RALGAPB: variants seen among roughly 807,000 people sequenced by gnomAD.
RALGAPB encodes Ral GTPase activating protein non-catalytic subunit beta, also known as ral GTPase-activating protein subunit beta.
In RALGAPB, 25 loss-of-function variants were observed where a neutral mutation model predicts 161.1. That is an observed-to-expected ratio of 0.16 (90% CI 0.11 to 0.22). The LOEUF is 0.22. RALGAPB is among the 10% of genes least tolerant of loss of function. The pLI, the probability that RALGAPB is intolerant of heterozygous loss-of-function variation, is 1.00. For synonymous variants in RALGAPB, 629 were observed against 626.1 expected (o/e 1.00, Z -0.07); for missense variants, 1,391 against 1,815.2 (o/e 0.77, Z 4.25).
chr20:38,528,487 C>T (rs1210716998), intron 13 of RALGAPB, among the ~76,000 whole-genome samples: 4 of 151,964 alleles, frequency 2.6e-5, no homozygotes, highest in African/African-American at 4.8e-5. Context: ...TCTTCTGCCG[C>T]AACCTCTGAA....
Position 38,493,047 on chromosome 20 carries a change from G to T in RALGAPB, c.304G>T (p.Asp102Tyr), listed in dbSNP as rs750616042. Residue 102 changes from aspartate to tyrosine, a missense_variant, in exon 3 of 30, where the codon GAT (aspartate) becomes TAT (tyrosine). Asp to Tyr is a radical substitution (Grantham distance 160). Coordinates refer to ENST00000262879, the MANE Select transcript of RALGAPB (RefSeq NM_020336.4). ...GATTATGGCTTTAGTGTTGCCAAAA[G>T]ATTCTATTCCATTGCCAGTTATTAA... ...DWIMALVLPK[D>Y]SIPLPVIKEP... 1.2e-6 allele frequency: 2 copies of T among 1,611,536 alleles called. No individual in the cohort carries two copies. Among genetic ancestry groups the T allele is most frequent in the Admixed American group, 3.3e-5 (2 of 60,000 alleles).
At chr20:38,485,678 C>T (rs1246903427) in intron 1 of RALGAPB, among the ~76,000 whole-genome samples, 10 of 152,082 alleles carry the variant, frequency 6.6e-5, no homozygotes, top group Non-Finnish European at 1.2e-4. Flanking sequence ...CTGCCCGCCT[C>T]GGCCTCCCAA....
At chr20:38,507,251 CTT>C (rs2085789316) in intron 5 of RALGAPB, among the ~76,000 whole-genome samples, 1 of 152,110 alleles carries the variant, frequency 6.6e-6, no homozygotes, top group African/African-American at 2.4e-5. Flanking sequence ...ATTCTTGTCA[CTT>C]TAGTTACACA....
chr20:38,526,018 C>A lies in RALGAPB; in HGVS notation c.2026C>A (p.Pro676Thr). The A allele has an allele frequency of 6.2e-7, 1 of 1,613,656 alleles. No homozygotes were observed. Among genetic ancestry groups the A allele is most frequent in the Non-Finnish European group, 8.5e-7 (1 of 1,179,868 alleles). ...LIGALQTETD[P>T]NNTQMILGAM... is the part of the protein sequence containing the mutation. ...AGGTGCCTTGCAAACTGAAACGGAC[C>A]CCAACAACACCCAAATGATATTAGG... Residue 676 changes from proline to threonine, a missense_variant, in exon 13 of 30, where the codon CCC (proline) becomes ACC (threonine). Transcript: ENST00000262879.
intron 6 of RALGAPB, among the ~76,000 whole-genome samples, chr20:38,515,752 G>A (rs948806228): frequency 2.7e-5 from 4 of 150,410 alleles, no homozygotes; most frequent in African/African-American, 9.8e-5. Context: ...TTTTTCCTGA[G>A]ATGGCATGTT....
In RALGAPB at chr20:38,540,382, AT is replaced by A. The variant is rs1303903864; in HGVS notation, c.2562+426del. Among the ~76,000 whole-genome samples the A allele has an allele frequency of 3.3e-5, 5 of 152,358 alleles. No individual in the cohort carries two copies. The East Asian group carries it at 7.7e-4, about 23-fold the overall frequency. ...AATGTTACTCCATACTCATTTCTTC[AT>A]TCTCAAGTGGATGCAGATAACTAGT... On this transcript the variant is annotated intron_variant, in intron 17 of 29. Transcript: ENST00000262879.
At chr20:38,508,975 A>G (rs1295645981) in intron 5 of RALGAPB, 102 bp from the exon 6 acceptor site, 5 of 1,262,840 alleles carry the variant, frequency 4.0e-6, no homozygotes, top group South Asian at 1.4e-5. Flanking sequence ...CACGTATGTG[A>G]GGTACACATG....
At position 38,477,393 on chromosome 20, in the gene RALGAPB, A is replaced by C. The variant is rs368279465; in HGVS notation, c.-31+4324A>C. Among the ~76,000 whole-genome samples the C allele has an allele frequency of 3.9e-5, 6 of 152,308 alleles. No individual in the cohort carries two copies. The South Asian group carries it at 1.2e-3, about 32-fold the overall frequency. On this transcript the variant is annotated intron_variant, in intron 1 of 29. Coordinates refer to ENST00000262879, the MANE Select transcript of RALGAPB (RefSeq NM_020336.4). ...CAGGGTATTCAAACGTTCTTTGGGTAGCTTACCAAAAACTACCATTTTCCA... is the reference window on the plus strand; with the variant it reads ...CAGGGTATTCAAACGTTCTTTGGGTCGCTTACCAAAAACTACCATTTTCCA...
intron 10 of RALGAPB, among the ~76,000 whole-genome samples, chr20:38,523,809 A>G (rs2086371020): frequency 6.6e-6 from 1 of 152,218 alleles, no homozygotes. Context: ...GTAGAGTAAG[A>G]GGACCTGTAA....
At position 38,553,986 on chromosome 20, in the gene RALGAPB, G is replaced by C; in HGVS notation, c.3282G>C (p.Thr1094=). 1 of 1,613,678 alleles carries C rather than the reference G, an allele frequency of 6.2e-7. No homozygotes were observed. The highest frequency in any genetic ancestry group is 1.1e-5 in the South Asian group (1 of 91,068). ...AGAGAAGTTTTCCTGACCCAGTTAC[G>C]GATTGCAAGCCCCCGCCTCCTGCCC... is the stretch of plus-strand genomic sequence containing the variant. ...LQKRSFPDPV[T]DCKPPPPAQE... is the part of the protein sequence containing the mutation. Residue 1094 remains threonine (T), a synonymous_variant, in exon 22 of 30, where the codon ACG becomes ACC. Transcript: ENST00000262879.
chr20:38,533,806 A>G (rs1488491392), intron 15 of RALGAPB, among the ~76,000 whole-genome samples: 1 of 152,064 alleles, frequency 6.6e-6, no homozygotes, highest in Non-Finnish European at 1.5e-5. Context: ...GTTGAAAATT[A>G]TTTTTCATGC....
At chr20:38,511,451 C>T (rs1328529992) in intron 6 of RALGAPB, among the ~76,000 whole-genome samples, 1 of 151,656 alleles carries the variant, frequency 6.6e-6, no homozygotes, top group Non-Finnish European at 1.5e-5. Flanking sequence ...ACAAAGGTCT[C>T]TGGTTTTCCT....
At chr20:38,526,548 G>T (rs2086477353) in intron 13 of RALGAPB, among the ~76,000 whole-genome samples, 1 of 151,974 alleles carries the variant, frequency 6.6e-6, no homozygotes, top group Non-Finnish European at 1.5e-5. Context: ...CCTCCTGCTG[G>T]GGTGTTCTTT....
chr20:38,549,533 TAAA>T (rs66699514), intron 20 of RALGAPB, among the ~76,000 whole-genome samples: 24 of 138,598 alleles, frequency 1.7e-4, no homozygotes, highest in African/African-American at 5.7e-4. Context: ...CCAGCCTAAT[TAAA>T]AAAAAAAAAA....
chr20:38,526,149 A>G (rs1449052741), intron 13 of RALGAPB, 107 bp downstream of exon 13: 3 of 1,248,220 alleles, frequency 2.4e-6, no homozygotes, highest in Admixed American at 2.3e-5. Flanking sequence ...ATGTAGCTCT[A>G]CTTACTCTGA....
intron 6 of RALGAPB, among the ~76,000 whole-genome samples, chr20:38,509,917 C>G (rs972485012): frequency 6.6e-6 from 1 of 151,750 alleles, no homozygotes; most frequent in East Asian, 1.9e-4. Flanking sequence ...CTTTTTTTAT[C>G]ATTTCTTCCC....
rs2088515021 is a variant in RALGAPB, at chr20:38,578,439, T to C, written c.*3472T>C. The C allele has an allele frequency of 6.5e-6, 1 of 152,738 alleles. No homozygotes were observed. The highest frequency in any genetic ancestry group is 1.9e-4 in the East Asian group (1 of 5,182). 9.5% of individuals were successfully genotyped at this position (152,738 alleles called of 1,614,324 possible). On this transcript the variant is annotated 3_prime_UTR_variant, in exon 30 of 30. Coordinates refer to ENST00000262879, the MANE Select transcript of RALGAPB (RefSeq NM_020336.4). ...GGATTCCACAGTGCCTTGCATATAG[T>C]AGGCGCCCAGTAAATACTTGTTGAA...
At chr20:38,509,274 G>A in intron 6 of RALGAPB, 66 bp downstream of exon 6, 1 of 1,517,378 alleles carries the variant, frequency 6.6e-7, no homozygotes. Context: ...GAATCATGCT[G>A]TAAGTCTCTT....
At chr20:38,568,566 A>C (rs981791816) in intron 26 of RALGAPB, 22 of 152,248 alleles carry the variant, frequency 1.4e-4, no homozygotes, top group South Asian at 1.0e-3. Flanking sequence ...AACATAGTAC[A>C]TAAAGATTAG....
Sources: gnomAD v4.1 joint callset for allele counts (sites outside exome capture counted in the v4.1 genomes callset) on GRCh38, gnomAD v4.1.1 for gene constraint, MANE v1.5 for transcripts, NCBI Gene and HGNC (gene_info 2026-07-23, HGNC 2026-07-21) for gene names.